CLSTN1: variants seen among roughly 807,000 people sequenced by gnomAD.
CLSTN1 encodes calsyntenin-1.
In CLSTN1, 28 loss-of-function variants were observed where a neutral mutation model predicts 108.3. The ratio of observed to expected loss-of-function variants is 0.26; its 90% confidence interval spans 0.19 to 0.35. The LOEUF (loss-of-function observed/expected upper bound fraction) is 0.35, where lower values mean the gene tolerates loss of function less well. CLSTN1 is among the 10% of genes least tolerant of loss of function. CLSTN1 has a pLI of 1.00. For missense variants in CLSTN1, 1,157 were observed against 1,302.6 expected (o/e 0.89, Z 1.72); for synonymous variants, 524 against 534.9 (o/e 0.98, Z 0.28).
intron 1 of CLSTN1, among the ~76,000 whole-genome samples, chr1:9,815,376 G>A (rs1473403408): frequency 1.3e-5 from 2 of 152,124 alleles, no homozygotes; most frequent in African/African-American, 4.8e-5. Flanking sequence ...AAAGTATAGA[G>A]GAAAGAACTT....
At chr1:9,815,793 G>A (rs1302603517) in intron 1 of CLSTN1, among the ~76,000 whole-genome samples, 8 of 152,070 alleles carry the variant, frequency 5.3e-5, no homozygotes, top group South Asian at 2.1e-4. Context: ...AAAATCAGCC[G>A]GGCATGGTGG....
At position 9,737,467 on chromosome 1, in the gene CLSTN1, A is replaced by G. The variant is rs187810611; in HGVS notation, c.1576+31T>C. The G allele has an allele frequency of 1.9e-6, 3 of 1,597,042 alleles. No homozygotes were observed. The East Asian group carries it at 6.7e-5, about 36-fold the overall frequency. Reference sequence around the variant, plus strand: ...TCAGTCTCATCTTTAAATGAAACACAATAGTGAATGTAGGGAAAAAATCCA... The same window carrying G: ...TCAGTCTCATCTTTAAATGAAACACGATAGTGAATGTAGGGAAAAAATCCA... On this transcript the variant is annotated intron_variant, in intron 11 of 18. Coordinates refer to ENST00000377298, the MANE Select transcript of CLSTN1 (RefSeq NM_001009566.3).
chr1:9,803,384 A>T (rs886917702), intron 1 of CLSTN1, among the ~76,000 whole-genome samples: 1 of 152,222 alleles, frequency 6.6e-6, no homozygotes, highest in Non-Finnish European at 1.5e-5. Context: ...CAAGGCAGAC[A>T]GCCCAGGTAC....
chr1:9,742,397 C>G (rs1651029668), intron 9 of CLSTN1, among the ~76,000 whole-genome samples: 2 of 152,124 alleles, frequency 1.3e-5, no homozygotes, highest in South Asian at 4.1e-4. Context: ...TGAAACTAGA[C>G]TGACCAAGAG....
chr1:9,785,795 C>A (rs367895894), intron 1 of CLSTN1, among the ~76,000 whole-genome samples: 1 of 142,230 alleles, frequency 7.0e-6, no homozygotes, highest in Non-Finnish European at 1.5e-5. Context: ...ATGTGAATTT[C>A]TTTTTTTTTT....
chr1:9,744,503 C>T lies in CLSTN1; in HGVS notation c.1126G>A (p.Gly376Ser), dbSNP rs147818557. 10 of 1,613,118 alleles carry T rather than the reference C, an allele frequency of 6.2e-6. No individual in the cohort carries two copies. Among genetic ancestry groups the T allele is most frequent in the Non-Finnish European group, 7.6e-6 (9 of 1,180,000 alleles). Residue 376 changes from glycine (G) to serine (S), a missense_variant, in exon 8 of 19, where the codon GGC becomes AGC. Physicochemically the swap from Gly to Ser is moderately conservative, Grantham distance 56. Transcript: ENST00000377298. ...TCTTTGGGGCTGACCGACACGACGC[C>T]ATCCGGGATCCTCACTGCCTGGGTG... ...NGTQAVRIPD[G>S]VVSVSPKEPF...
intron 9 of CLSTN1, among the ~76,000 whole-genome samples, chr1:9,743,277 T>G (rs1651070987): frequency 6.6e-6 from 1 of 152,146 alleles, no homozygotes; most frequent in South Asian, 2.1e-4. Context: ...TGCTAGAAAA[T>G]TAGCTTTGCG....
At position 9,733,964 on chromosome 1, in the gene CLSTN1, C is replaced by G; in HGVS notation, c.2281+8G>C. 1 of 1,609,964 alleles carries G rather than the reference C, an allele frequency of 6.2e-7. No homozygotes were observed. Among genetic ancestry groups the G allele is most frequent in the Non-Finnish European group, 8.5e-7 (1 of 1,177,576 alleles). On this transcript the variant is annotated splice_region_variant and intron_variant, in intron 15 of 18. Transcript: ENST00000377298. ...GGCCCACCTGCGTGGCTGCAGCGCT[C>G]CCCTTACCTGTGAAGGTCATGCCCA...
rs1436540605 is a variant in CLSTN1 at position 9,823,860 on chromosome 1, G to A, written c.-127C>T. The A allele has an allele frequency of 4.1e-5, 13 of 313,356 alleles. No homozygotes were observed. The highest frequency in any genetic ancestry group is 1.1e-4 in the African/African-American group (5 of 44,264). The allele number at this position is 313,356 out of a possible 1,614,324, so 19.4% of individuals were successfully genotyped here. ...GCGGGGAGCTCCGGGGGTCCAAGGAGGAGCCGCCGCCGCCGCCGCCGTGAC... is the reference window on the plus strand; with the variant it reads ...GCGGGGAGCTCCGGGGGTCCAAGGAAGAGCCGCCGCCGCCGCCGCCGTGAC... On this transcript the variant is annotated 5_prime_UTR_variant, in exon 1 of 19. Transcript: ENST00000377298. The surrounding 1 kb of genome is among the most constrained non-coding windows in gnomAD (Gnocchi z 6.3).
intron 2 of CLSTN1, among the ~76,000 whole-genome samples, chr1:9,769,631 G>A (rs1201597128): frequency 1.3e-5 from 2 of 152,200 alleles, no homozygotes; most frequent in African/African-American, 4.8e-5. Flanking sequence ...AGGGATGAGT[G>A]CCACTTGGTG....
rs115805733 is a variant in CLSTN1, at chr1:9,741,969, A to G, written c.1357-713T>C. 4.9e-3 allele frequency among the ~76,000 whole-genome samples: 741 copies of G among 152,274 alleles called. 3 individuals carry two copies. The highest frequency in any genetic ancestry group is 0.016 in the African/African-American group (659 of 41,546). Reference sequence around the variant, plus strand: ...CTCAGAATAAGGCACACCATAGTACATGTATTTTCTTTTCCAACTCAAAGT... The same window carrying G: ...CTCAGAATAAGGCACACCATAGTACGTGTATTTTCTTTTCCAACTCAAAGT... On this transcript the variant is annotated intron_variant, in intron 9 of 18. Transcript: ENST00000377298.
At chr1:9,768,605 CGGGGTTCTGTGTTGGGTGACACCAT>C (rs1652485970) in intron 2 of CLSTN1, among the ~76,000 whole-genome samples, 1 of 72,020 alleles carries the variant, frequency 1.4e-5, no homozygotes, top group African/African-American at 5.1e-5. Context: ...ACCATGGGGG[CGGGGTTCTGTGTTGGGTGACACCAT>C]GGGGGCAGGG....
chr1:9,737,307 A>C (rs1381988855), intron 11 of CLSTN1, among the ~76,000 whole-genome samples, 191 bp downstream of exon 11: 2 of 151,958 alleles, frequency 1.3e-5, no homozygotes, highest in Admixed American at 1.3e-4. Context: ...ATTTGTCCTC[A>C]CTCCAGCTGG....
At chr1:9,766,647 G>A (rs1340274769) in intron 2 of CLSTN1, among the ~76,000 whole-genome samples, 2 of 152,132 alleles carry the variant, frequency 1.3e-5, no homozygotes, top group Admixed American at 6.5e-5. Context: ...GTGACAGAGC[G>A]AGACCCTGTC....
At chr1:9,781,784 T>C (rs1653263561) in intron 1 of CLSTN1, among the ~76,000 whole-genome samples, 1 of 152,100 alleles carries the variant, frequency 6.6e-6, no homozygotes, top group South Asian at 2.1e-4. Context: ...CACATCGCCA[T>C]GTTCATATTT....
rs913500837 is a variant in CLSTN1, at chr1:9,744,787, C to T, written c.986-144G>A. 74 of 1,053,940 alleles carry T rather than the reference C, an allele frequency of 7.0e-5. No homozygotes were observed. In the African/African-American group the frequency reaches 1.1e-3, roughly 16 times the overall value. The allele number at this position is 1,053,940 out of a possible 1,614,324, so 65.3% of individuals were successfully genotyped here. A position where few individuals can be genotyped will look rare whatever the true frequency, so the allele number is the denominator to read the frequency against. ...TTTTTTCTTTCGAGACAGAGTCTTG[C>T]TTTGTCCCCAGGCTGGAGTACAGTG... On this transcript the variant is annotated intron_variant, in intron 7 of 18. Transcript: ENST00000377298.
intron 1 of CLSTN1, among the ~76,000 whole-genome samples, chr1:9,800,561 A>T (rs1654217470): frequency 6.8e-6 from 1 of 147,012 alleles, no homozygotes; most frequent in African/African-American, 2.5e-5. Context: ...CCACTAGAAA[A>T]AAAAAAAAAA....
intron 1 of CLSTN1, among the ~76,000 whole-genome samples, chr1:9,786,551 G>A (rs551103430): frequency 2.0e-5 from 3 of 148,024 alleles, no homozygotes; most frequent in African/African-American, 7.6e-5. Context: ...ACTGAGGCAG[G>A]AGAATTGCTT....
Position 9,730,194 on chromosome 1 carries a change from G to A in CLSTN1, c.*314C>T, listed in dbSNP as rs113794825. On this transcript the variant is annotated 3_prime_UTR_variant, in exon 19 of 19. Coordinates refer to ENST00000377298, the MANE Select transcript of CLSTN1 (RefSeq NM_001009566.3). The surrounding 1 kb of genome is among the most constrained non-coding windows in gnomAD (Gnocchi z 5.6). ...TGGCATGGCTTTTCTGGAGTGCGAG[G>A]GGCCAGTGTCCTCTCCCCGGGGGGA... 2 of 431,098 alleles carry A rather than the reference G, an allele frequency of 4.6e-6. No individual in the cohort carries two copies. Among genetic ancestry groups the A allele is most frequent in the Non-Finnish European group, 8.5e-6 (2 of 235,942 alleles). 26.7% of individuals were successfully genotyped at this position (431,098 alleles called of 1,614,324 possible).
Sources: gnomAD v4.1 joint callset for allele counts (sites outside exome capture counted in the v4.1 genomes callset) on GRCh38, gnomAD v4.1.1 for gene constraint, Gnocchi (gnomAD v3.1) non-coding constraint, MANE v1.5 for transcripts, NCBI Gene and HGNC (gene_info 2026-07-23, HGNC 2026-07-21) for gene names.